The following GAS2 variants were observed in gnomAD, a reference collection of about 807,000 sequenced individuals.
GAS2 encodes growth arrest specific 2, also known as growth arrest-specific protein 2.
A neutral mutation model predicts 37.5 loss-of-function variants in GAS2; 20 were observed. The ratio of observed to expected loss-of-function variants is 0.53; its 90% CI spans 0.37 to 0.77. The LOEUF (loss-of-function observed/expected upper bound fraction) is 0.77, where lower values mean the gene tolerates loss of function less well. GAS2 is among the 30% of genes least tolerant of loss of function. The probability of loss-of-function intolerance (pLI) is 0.00; values close to 1 mark genes in which losing one functional copy is unlikely to be tolerated. For missense variants in GAS2, 336 were observed against 373.4 expected (o/e 0.90, Z 0.82); for synonymous variants, 144 against 132.2 (o/e 1.09, Z -0.61).
At chr11:22,678,756 A>G (rs1849548355) in intron 2 of GAS2, among the ~76,000 whole-genome samples, 1 of 152,060 alleles carries the variant, frequency 6.6e-6, no homozygotes, top group African/African-American at 2.4e-5. Context: ...CTCCATTTAT[A>G]TTCTGATATT....
chr11:22,794,488 G>A (rs551669937), intron 7 of GAS2, among the ~76,000 whole-genome samples: 1 of 152,210 alleles, frequency 6.6e-6, no homozygotes, highest in Admixed American at 6.5e-5. Context: ...GGAGTAGGAA[G>A]ATGACGATCT....
intron 1 of GAS2, among the ~76,000 whole-genome samples, chr11:22,629,872 G>A (rs550103137): frequency 1.0e-3 from 153 of 152,224 alleles, no homozygotes; most frequent in Non-Finnish European, 1.8e-4. Flanking sequence ...TCTTAGTCAT[G>A]AATCTTTGCC....
At chr11:22,743,478 ATAGAAAT>A (rs1353596893) in intron 5 of GAS2, among the ~76,000 whole-genome samples, 1 of 152,122 alleles carries the variant, frequency 6.6e-6, no homozygotes, top group African/African-American at 2.4e-5. Context: ...ATACTAAAAC[ATAGAAAT>A]TAGAATTTCC....
At chr11:22,789,611 G>A (rs1415481198) in intron 7 of GAS2, among the ~76,000 whole-genome samples, 4 of 148,860 alleles carry the variant, frequency 2.7e-5, no homozygotes, top group Non-Finnish European at 6.0e-5. Flanking sequence ...ACAGGCGCCC[G>A]CCACCATACC....
intron 2 of GAS2, among the ~76,000 whole-genome samples, chr11:22,679,964 T>G (rs1037488982): frequency 1.9e-4 from 29 of 152,168 alleles, no homozygotes; most frequent in African/African-American, 7.0e-4. Context: ...TGCAGTTATT[T>G]TCCACTTAAT....
intron 4 of GAS2, chr11:22,731,325 T>A (rs1474585172): frequency 6.7e-6 from 3 of 447,136 alleles, no homozygotes; most frequent in South Asian, 4.8e-5. Context: ...TATTGGATAA[T>A]TATAGGATTT....
At chr11:22,801,172 T>G (rs1158771718) in intron 7 of GAS2, among the ~76,000 whole-genome samples, 2 of 152,064 alleles carry the variant, frequency 1.3e-5, no homozygotes. Flanking sequence ...CCTGTCTTGC[T>G]AAACTACATA....
chr11:22,805,594 A>G (rs971726802), intron 7 of GAS2, among the ~76,000 whole-genome samples: 1 of 152,206 alleles, frequency 6.6e-6, no homozygotes, highest in East Asian at 1.9e-4. Flanking sequence ...TGAGATCAAC[A>G]TCTTTAGATT....
At chr11:22,705,971 G>A (rs1851095446) in intron 3 of GAS2, among the ~76,000 whole-genome samples, 1 of 152,114 alleles carries the variant, frequency 6.6e-6, no homozygotes. Context: ...AATTGCACAC[G>A]TGAAAGCCCT....
chr11:22,717,397 A>G (rs1373321353), intron 3 of GAS2, among the ~76,000 whole-genome samples: 1 of 152,176 alleles, frequency 6.6e-6, no homozygotes, highest in Non-Finnish European at 1.5e-5. Flanking sequence ...AAATTGGAGA[A>G]TGGACACCCT....
chr11:22,632,036 A>G (rs1858751830), intron 1 of GAS2, among the ~76,000 whole-genome samples: 1 of 143,846 alleles, frequency 7.0e-6, no homozygotes, highest in Admixed American at 7.4e-5. Context: ...TTATGTCTTC[A>G]TGATTCAATC....
intron 7 of GAS2, among the ~76,000 whole-genome samples, chr11:22,805,918 A>G (rs1448157918): frequency 6.6e-6 from 1 of 152,046 alleles, no homozygotes; most frequent in Non-Finnish European, 1.5e-5. Context: ...AGTGAGGATG[A>G]CCAGAGGTCA....
chr11:22,802,334 G>A (rs566153681), intron 7 of GAS2, among the ~76,000 whole-genome samples: 2 of 152,042 alleles, frequency 1.3e-5, no homozygotes, highest in African/African-American at 4.8e-5. Context: ...GGGAGGGATA[G>A]CATTAGGAGA....
chr11:22,685,621 T>A, intron 2 of GAS2, 47 bp from the exon 3 acceptor site: 1 of 1,590,582 alleles, frequency 6.3e-7, no homozygotes, highest in Non-Finnish European at 8.6e-7. Flanking sequence ...TTAGTGTGAA[T>A]CTGACATTTG....
chr11:22,802,204 A>C (rs1432750271), intron 7 of GAS2, among the ~76,000 whole-genome samples: 1 of 152,046 alleles, frequency 6.6e-6, no homozygotes, highest in Admixed American at 6.6e-5. Flanking sequence ...AAACTATCAC[A>C]AGGACAGAAA....
At chr11:22,733,029 A>C (rs758619930) in intron 4 of GAS2, among the ~76,000 whole-genome samples, 2 of 151,444 alleles carry the variant, frequency 1.3e-5, no homozygotes, top group Non-Finnish European at 3.0e-5. Context: ...TAGGTCCCCA[A>C]ATTTGCATTT....
At chr11:22,699,289 C>G (rs1277905813) in intron 3 of GAS2, among the ~76,000 whole-genome samples, 1 of 152,066 alleles carries the variant, frequency 6.6e-6, no homozygotes, top group East Asian at 1.9e-4. Context: ...CTTTACTGTA[C>G]CCCTTCCTTC....
intron 4 of GAS2, among the ~76,000 whole-genome samples, chr11:22,731,046 C>G (rs944384212): frequency 2.0e-5 from 3 of 151,550 alleles, no homozygotes; most frequent in African/African-American, 7.3e-5. Flanking sequence ...GAAATTGATG[C>G]TTTTATGTCA....
intron 5 of GAS2, among the ~76,000 whole-genome samples, chr11:22,739,135 T>A (rs1852913325): frequency 6.6e-6 from 1 of 152,052 alleles, no homozygotes; most frequent in Non-Finnish European, 1.5e-5. Flanking sequence ...CATACTTGGG[T>A]TCTGTGAAGG....
Sources: gnomAD v4.1 joint callset for allele counts (sites outside exome capture counted in the v4.1 genomes callset) on GRCh38, gnomAD v4.1.1 for gene constraint, MANE v1.5 for transcripts, NCBI Gene and HGNC (gene_info 2026-07-23, HGNC 2026-07-21) for gene names.